Variants in PIWIL1 observed in about 807,000 individuals in gnomAD.
PIWIL1 encodes piwi-like protein 1.
In PIWIL1, 73 loss-of-function variants were observed where a neutral mutation model predicts 114.4. The ratio of observed to expected loss-of-function variants is 0.64; its 90% CI spans 0.53 to 0.78. The LOEUF is 0.78. Ranked by LOEUF, PIWIL1 falls within the 30% of genes least tolerant of loss-of-function variation. PIWIL1 has a pLI of 0.00. For synonymous variants in PIWIL1, 375 were observed against 369.0 expected (o/e 1.02, Z -0.19); for missense variants, 723 against 1,063.1 (o/e 0.68, Z 4.45).
the PIWIL1 span, chr12:130,414,074 C>T: frequency 4.0e-5 from 64 of 1,591,902 alleles, 1 homozygote; most frequent in South Asian, 6.5e-4. Flanking sequence ...CCCCATGACC[C>T]AGACCCGCCT....
intron 2 of PIWIL1, 118 bp downstream of exon 2, chr12:130,342,787 C>A: frequency 1.2e-6 from 1 of 813,898 alleles, no homozygotes; most frequent in South Asian, 1.6e-5. Context: ...CAAGGGAGAT[C>A]ATGCCCTGTT....
At chr12:130,343,621 C>CT (rs533583982) in intron 3 of PIWIL1, among the ~76,000 whole-genome samples, 9,688 of 115,982 alleles carry the variant, frequency 0.084, 620 homozygotes, top group Non-Finnish European at 0.13. Context: ...TTGAAGGATT[C>CT]TTTTTTTTTT....
chr12:130,358,758 T>C (rs1320415256), intron 14 of PIWIL1, among the ~76,000 whole-genome samples: 1 of 152,208 alleles, frequency 6.6e-6, no homozygotes, highest in African/African-American at 2.4e-5. Context: ...TTTCTATAAA[T>C]TGTTGGTTAG....
intron 14 of PIWIL1, 132 bp from the exon 15 acceptor site, chr12:130,361,048 G>A: frequency 1.4e-6 from 1 of 726,608 alleles, no homozygotes; most frequent in Non-Finnish European, 2.3e-6. Flanking sequence ...CTGTGTGGCT[G>A]AAATGAATAG....
At chr12:130,376,815 C>A (rs902171466), downstream of PIWIL1, among the ~76,000 whole-genome samples, 1 of 152,246 alleles carries the variant, frequency 6.6e-6, no homozygotes, top group East Asian at 1.9e-4. Context: ...AGTCACACAT[C>A]TGCTTACAGT....
chr12:130,349,988 T>A (rs2073171585), intron 9 of PIWIL1, 21 bp downstream of exon 9: 1 of 1,374,148 alleles, frequency 7.3e-7, no homozygotes, highest in African/African-American at 1.5e-5. Context: ...AGTGGTTAGA[T>A]CTCAGGAGAA....
chr12:130,412,615 T>G, the PIWIL1 span: 226 of 1,613,392 alleles, frequency 1.4e-4, no homozygotes, highest in Admixed American at 1.1e-3. Context: ...GGGTTTGCGC[T>G]TACCTATTTT....
chr12:130,408,655 G>A, the PIWIL1 span, among the ~76,000 whole-genome samples: 1 of 152,178 alleles, frequency 6.6e-6, no homozygotes, highest in African/African-American at 2.4e-5. Flanking sequence ...GCAGAACCTG[G>A]CCCAATCACG....
At chr12:130,340,454 C>G (rs1012243253) in intron 1 of PIWIL1, among the ~76,000 whole-genome samples, 38 of 152,008 alleles carry the variant, frequency 2.5e-4, no homozygotes, top group Non-Finnish European at 1.3e-4. Flanking sequence ...GCAGGCAGCC[C>G]AGACCCTTGG....
the PIWIL1 span, among the ~76,000 whole-genome samples, chr12:130,403,031 C>T: frequency 1.3e-5 from 2 of 152,152 alleles, no homozygotes; most frequent in African/African-American, 4.8e-5. Flanking sequence ...GGGGTCCCTG[C>T]TTACGCTTGT....
chr12:130,405,677 G>A, the PIWIL1 span, among the ~76,000 whole-genome samples: 5 of 151,994 alleles, frequency 3.3e-5, no homozygotes, highest in African/African-American at 1.2e-4. Context: ...AGCAAGGGGT[G>A]GGGGCGGGGT....
At chr12:130,390,711 C>T in the PIWIL1 span, among the ~76,000 whole-genome samples, 78 of 152,238 alleles carry the variant, frequency 5.1e-4, no homozygotes, top group Middle Eastern at 6.8e-3. Context: ...TGTCATAGAC[C>T]TTGTTTGGTT....
At chr12:130,382,936 TG>T in the PIWIL1 span, among the ~76,000 whole-genome samples, 236 of 152,314 alleles carry the variant, frequency 1.5e-3, no homozygotes, top group Non-Finnish European at 2.6e-3. Context: ...AGTTTACACA[TG>T]TTTGGTTAGG....
chr12:130,393,824 G>A, the PIWIL1 span, among the ~76,000 whole-genome samples: 34 of 152,278 alleles, frequency 2.2e-4, 1 homozygote, highest in South Asian at 6.8e-3. Context: ...GGCCAAGTGC[G>A]TAAGACACAC....
At chr12:130,402,190 A>G in the PIWIL1 span, among the ~76,000 whole-genome samples, 1 of 152,144 alleles carries the variant, frequency 6.6e-6, no homozygotes, top group African/African-American at 2.4e-5. Context: ...TCGCGGTGTG[A>G]ATACTGCTTT....
chr12:130,410,320 C>T, the PIWIL1 span, among the ~76,000 whole-genome samples: 1 of 152,176 alleles, frequency 6.6e-6, no homozygotes. Context: ...GGATTTTCTG[C>T]CAGCCTGTGG....
intron 19 of PIWIL1, among the ~76,000 whole-genome samples, chr12:130,368,105 G>A (rs11060846): frequency 6.6e-6 from 1 of 152,216 alleles, no homozygotes; most frequent in African/African-American, 2.4e-5. Flanking sequence ...GCCGAAACTT[G>A]TTCCATTTTT....
the PIWIL1 span, chr12:130,399,155 T>C: frequency 7.2e-7 from 1 of 1,392,152 alleles, no homozygotes; most frequent in Non-Finnish European, 9.4e-7. Context: ...AAATGAACAC[T>C]CTTCTTCTGT....
Position 130,361,198 on chromosome 12 carries a change from A to G in PIWIL1, c.1684A>G (p.Ser562Gly), listed in dbSNP as rs1183683541. 7 of 1,614,146 alleles carry G rather than the reference A, an allele frequency of 4.3e-6. No individual in the cohort carries two copies. In the East Asian group the frequency reaches 6.7e-5, roughly 15 times the overall value. The change falls in exon 15 of 21, where the codon AGT becomes GGT. Residue 562 changes from serine to glycine, a missense_variant. Ser to Gly is a moderately conservative substitution (Grantham distance 56). Transcript: ENST00000245255. ...TTTTCAGGTTGTCTGTCTGTTGTCA[A>G]GTAATCGGAAGGACAAATACGATGC... ...DTQIVVCLLSSNRKDKYDAIK... is the reference protein window; with the variant it reads ...DTQIVVCLLSGNRKDKYDAIK...
Sources: allele counts gnomAD v4.1 joint callset (sites outside exome capture counted in the v4.1 genomes callset), GRCh38; gene constraint gnomAD v4.1.1; transcripts MANE v1.5; gene names NCBI Gene and HGNC (gene_info 2026-07-23, HGNC 2026-07-21).